FAM114A2: variants seen among roughly 807,000 people sequenced by gnomAD.
FAM114A2 encodes family with sequence similarity 114 member A2, also known as protein FAM114A2.
In FAM114A2, 53 loss-of-function variants were observed where a neutral mutation model predicts 58.4. That is an observed-to-expected ratio of 0.91 (90% CI 0.73 to 1.14). FAM114A2 has a LOEUF of 1.14. Among genes scored for constraint, FAM114A2 ranks in the 50% most tolerant of loss-of-function variants. FAM114A2 has a pLI of 0.00. For missense variants in FAM114A2, 601 were observed against 581.1 expected, an observed-to-expected ratio of 1.03 and a Z score of -0.35; for synonymous variants, 228 against 211.4, an observed-to-expected ratio of 1.08 and a Z score of -0.68.
At chr5:154,024,873 C>G (rs941239795) in intron 8 of FAM114A2, among the ~76,000 whole-genome samples, 1 of 152,018 alleles carries the variant, frequency 6.6e-6, no homozygotes, top group Non-Finnish European at 1.5e-5. Flanking sequence ...ATATGATCAC[C>G]ACCAATTTCA....
intron 9 of FAM114A2, among the ~76,000 whole-genome samples, chr5:154,005,499 G>A (rs528909401): frequency 3.7e-4 from 56 of 152,198 alleles, no homozygotes; most frequent in African/African-American, 1.3e-3. Context: ...CCACCCTGAA[G>A]CTGCCAATGG....
chr5:154,038,037 TAA>T (rs796107501), intron 1 of FAM114A2, among the ~76,000 whole-genome samples: 4 of 143,266 alleles, frequency 2.8e-5, no homozygotes, highest in Admixed American at 1.4e-4. Context: ...GGAGAAAGGT[TAA>T]AAAAAAAAAA....
At chr5:154,011,193 C>T (rs769751928) in intron 9 of FAM114A2, 48 bp downstream of exon 9, 15 of 1,382,080 alleles carry the variant, frequency 1.1e-5, no homozygotes, top group African/African-American at 1.4e-5. Context: ...TTATCCACTA[C>T]ATTTTTACAA....
At chr5:154,022,094 G>T (rs377376234) in intron 8 of FAM114A2, among the ~76,000 whole-genome samples, 14 of 152,098 alleles carry the variant, frequency 9.2e-5, no homozygotes, top group African/African-American at 2.4e-4. Context: ...TAGCCATATG[G>T]AGAAAGCTGA....
At position 153,993,016 on chromosome 5, in the gene FAM114A2, CTG is replaced by C. The variant is rs758802296; in HGVS notation, c.1476_1477del (p.His492GlnfsTer3). 6.2e-7 allele frequency: 1 copy of C among 1,613,230 alleles called. No individual in the cohort carries two copies. Among genetic ancestry groups the C allele is most frequent in the African/African-American group, 1.3e-5 (1 of 74,900 alleles). ...AGGTTTCTGGCCCTGCAGCTCATGT[CTG>C]TGTGATTCAATCTTGTTCTCAATGA... On this transcript the variant is annotated frameshift_variant, in exon 14 of 14. Coordinates refer to ENST00000351797, the MANE Select transcript of FAM114A2 (RefSeq NM_018691.4). LOFTEE classifies it high-confidence loss of function.
intron 12 of FAM114A2, among the ~76,000 whole-genome samples, chr5:153,996,506 CT>C (rs1234883091): frequency 1.3e-5 from 2 of 150,266 alleles, no homozygotes; most frequent in African/African-American, 4.9e-5. Flanking sequence ...GAAATGACAA[CT>C]CATGGACTTG....
intron 8 of FAM114A2, among the ~76,000 whole-genome samples, chr5:154,018,524 A>G (rs534719522): frequency 1.3e-5 from 2 of 152,188 alleles, no homozygotes; most frequent in Admixed American, 6.5e-5. Context: ...CTATTTCACA[A>G]GATAAAGAGG....
chr5:154,010,341 T>C (rs565098420), intron 9 of FAM114A2, among the ~76,000 whole-genome samples: 1 of 152,326 alleles, frequency 6.6e-6, no homozygotes, highest in Admixed American at 6.5e-5. Flanking sequence ...CAAAAGTGCT[T>C]TAGTAAAGTG....
intron 1 of FAM114A2, chr5:154,038,475 C>T (rs923323947): frequency 6.6e-5 from 10 of 152,250 alleles, no homozygotes; most frequent in African/African-American, 2.4e-4. Flanking sequence ...GGGCTTGGAA[C>T]AGTGACCGGC....
intron 8 of FAM114A2, among the ~76,000 whole-genome samples, chr5:154,024,767 T>G (rs1771670611): frequency 6.6e-6 from 1 of 152,198 alleles, no homozygotes; most frequent in Non-Finnish European, 1.5e-5. Flanking sequence ...CCATGGTGAT[T>G]TGACATTTAG....
At chr5:154,002,163 CTT>C (rs1300262514) in intron 11 of FAM114A2, 86 bp downstream of exon 11, 3 of 1,300,636 alleles carry the variant, frequency 2.3e-6, no homozygotes, top group Non-Finnish European at 2.2e-6. Flanking sequence ...TGAATGGTTT[CTT>C]GAGAGAGACG....
intron 11 of FAM114A2, among the ~76,000 whole-genome samples, chr5:153,999,728 C>T (rs1293879826): frequency 1.3e-5 from 2 of 151,118 alleles, no homozygotes; most frequent in African/African-American, 4.9e-5. Flanking sequence ...ACTATGAAAA[C>T]CAGTATGAAG....
rs1769248770 is a variant in FAM114A2 at position 153,991,604 on chromosome 5, C to A, written c.*1372G>T. 1 of 151,866 alleles carries A rather than the reference C, an allele frequency of 6.6e-6. No homozygotes were observed. Among genetic ancestry groups the A allele is most frequent in the Admixed American group, 6.6e-5 (1 of 15,250 alleles). The allele number at this position is 151,866 out of a possible 1,614,324, so 9.4% of individuals were successfully genotyped here. ...ACCTTTTTAAACCAAATTTATTTCT[C>A]TTCCTTGCTTACTAACTGACTCCTG... On this transcript the variant is annotated 3_prime_UTR_variant, in exon 14 of 14. Transcript: ENST00000351797.
chr5:154,021,787 G>GA (rs1771435620), intron 8 of FAM114A2, among the ~76,000 whole-genome samples: 2 of 152,158 alleles, frequency 1.3e-5, no homozygotes, highest in South Asian at 4.2e-4. Flanking sequence ...CACAGAATTG[G>GA]AAAAAACTAC....
intron 10 of FAM114A2, 137 bp downstream of exon 10, chr5:154,002,710 G>T: frequency 2.2e-6 from 2 of 893,632 alleles, no homozygotes; most frequent in Non-Finnish European, 1.7e-6. Flanking sequence ...CTTATAGTCT[G>T]GATCTAAGAT....
chr5:154,023,132 G>C (rs943958724), intron 8 of FAM114A2, among the ~76,000 whole-genome samples: 5 of 152,054 alleles, frequency 3.3e-5, no homozygotes, highest in African/African-American at 1.2e-4. Flanking sequence ...ACCTGGGCCT[G>C]TCGTGGGGTC....
rs2113159754 is a variant in FAM114A2 at position 153,994,925 on chromosome 5, A to G, written c.1377T>C (p.Phe459=). Residue 459 remains phenylalanine, a synonymous_variant, in exon 13 of 14, where the codon TTT becomes TTC. Coordinates refer to ENST00000351797, the MANE Select transcript of FAM114A2 (RefSeq NM_018691.4). ...DVLNPLITAV[F]LEASNSASYI... ...CTTAAAAACAATTACTAACCTCTAG[A>G]AATACTGCAGTGATTAATGGGTTAA... 1 of 1,599,436 alleles carries G rather than the reference A, an allele frequency of 6.3e-7. No individual in the cohort carries two copies. Among genetic ancestry groups the G allele is most frequent in the Non-Finnish European group, 8.6e-7 (1 of 1,166,888 alleles).
chr5:153,995,039 C>T (rs932281414), intron 12 of FAM114A2, 67 bp from the exon 13 acceptor site: 2 of 925,328 alleles, frequency 2.2e-6, no homozygotes, highest in South Asian at 1.3e-5. Flanking sequence ...AGTACGATCA[C>T]ACTTTAAAAC....
intron 11 of FAM114A2, 121 bp downstream of exon 11, chr5:154,002,130 C>A (rs1317901634): frequency 5.0e-6 from 4 of 805,520 alleles, no homozygotes; most frequent in African/African-American, 1.7e-5. Context: ...AACAAACCAT[C>A]TAATATGTGG....
Sources: allele counts gnomAD v4.1 joint callset (sites outside exome capture counted in the v4.1 genomes callset), GRCh38; gene constraint gnomAD v4.1.1; transcripts MANE v1.5; gene names NCBI Gene and HGNC (gene_info 2026-07-23, HGNC 2026-07-21).